SMPD3: variants seen among roughly 807,000 people sequenced by gnomAD.
SMPD3 encodes nSMase-2.
In SMPD3, 21 loss-of-function variants were observed where a neutral mutation model predicts 55.7. The ratio of observed to expected loss-of-function variants is 0.38; its 90% CI spans 0.27 to 0.54. The LOEUF is 0.54. SMPD3 is among the 20% of genes least tolerant of loss of function. The pLI, the probability that SMPD3 is intolerant of heterozygous loss-of-function variation, is 0.80. For missense variants in SMPD3, 842 were observed against 899.6 expected, an observed-to-expected ratio of 0.94 and a Z score of 0.82; for synonymous variants, 457 against 404.3, an observed-to-expected ratio of 1.13 and a Z score of -1.56.
chr16:68,428,497 C>T (rs889422513), intron 1 of SMPD3, among the ~76,000 whole-genome samples: 4 of 152,184 alleles, frequency 2.6e-5, no homozygotes, highest in African/African-American at 9.7e-5. Context: ...GAAGGGACTT[C>T]TCATCCTGGA....
At chr16:68,401,436 T>G (rs2090204503) in intron 1 of SMPD3, among the ~76,000 whole-genome samples, 1 of 150,276 alleles carries the variant, frequency 6.7e-6, no homozygotes, top group African/African-American at 2.5e-5. Context: ...GGGTTGGAAG[T>G]GGAATTGGGG....
chr16:68,402,895 C>T (rs1018632595), intron 1 of SMPD3, among the ~76,000 whole-genome samples: 6 of 152,238 alleles, frequency 3.9e-5, no homozygotes, highest in South Asian at 2.1e-4. Flanking sequence ...TCCAGGAAGA[C>T]GCTGAGAAGG....
intron 1 of SMPD3, among the ~76,000 whole-genome samples, chr16:68,410,744 T>C (rs925557187): frequency 3.3e-5 from 5 of 152,212 alleles, no homozygotes; most frequent in Non-Finnish European, 5.9e-5. Context: ...ATTCAAAAGT[T>C]TCCCAGACAC....
chr16:68,366,264 C>A (rs1308105068), intron 3 of SMPD3, among the ~76,000 whole-genome samples: 1 of 152,222 alleles, frequency 6.6e-6, no homozygotes, highest in East Asian at 1.9e-4. Context: ...TCCGTCCTTC[C>A]TTCACTGCTG....
chr16:68,432,526 A>C (rs2090488621), intron 1 of SMPD3, among the ~76,000 whole-genome samples: 2 of 152,262 alleles, frequency 1.3e-5, no homozygotes, highest in Non-Finnish European at 2.9e-5. Context: ...AAAAGCCTTT[A>C]AATTAACATA....
chr16:68,422,440 C>T (rs1396592784), intron 1 of SMPD3, among the ~76,000 whole-genome samples: 1 of 152,124 alleles, frequency 6.6e-6, no homozygotes, highest in African/African-American at 2.4e-5. Flanking sequence ...TATAAGGCCC[C>T]TGAGCAAGAA....
At chr16:68,386,137 A>C (rs1402388111) in intron 2 of SMPD3, among the ~76,000 whole-genome samples, 3 of 151,860 alleles carry the variant, frequency 2.0e-5, no homozygotes, top group African/African-American at 7.3e-5. Flanking sequence ...TGAGAGGAAC[A>C]CTTGAGCCCG....
chr16:68,415,976 G>T (rs993938750), intron 1 of SMPD3, among the ~76,000 whole-genome samples: 2 of 152,252 alleles, frequency 1.3e-5, no homozygotes, highest in Admixed American at 6.5e-5. Flanking sequence ...GCTCTGAAAT[G>T]ATTGATTATC....
At chr16:68,422,011 T>G (rs2090399081) in intron 1 of SMPD3, among the ~76,000 whole-genome samples, 1 of 152,122 alleles carries the variant, frequency 6.6e-6, no homozygotes, top group African/African-American at 2.4e-5. Context: ...GCAAGACCGC[T>G]GAAGGTGGAA....
chr16:68,365,297 A>G (rs1365840976), intron 3 of SMPD3, among the ~76,000 whole-genome samples: 2 of 152,124 alleles, frequency 1.3e-5, no homozygotes, highest in African/African-American at 2.4e-5. Flanking sequence ...GAAAGAAACT[A>G]TTGGCCTGTG....
chr16:68,437,122 G>A (rs1184880401), intron 1 of SMPD3, among the ~76,000 whole-genome samples: 3 of 152,226 alleles, frequency 2.0e-5, no homozygotes, highest in African/African-American at 4.8e-5. Flanking sequence ...CTACCTCCCT[G>A]AGGACAGGGA....
chr16:68,423,156 C>G (rs1462394042), intron 1 of SMPD3, among the ~76,000 whole-genome samples: 1 of 152,224 alleles, frequency 6.6e-6, no homozygotes, highest in East Asian at 1.9e-4. Flanking sequence ...GGATTTTGAC[C>G]AAGGTTTTCT....
rs1037644254 is a variant in SMPD3 at position 68,371,113 on chromosome 16, G to A, written c.1069C>T (p.Leu357=). 5 of 1,614,102 alleles carry A rather than the reference G, an allele frequency of 3.1e-6. No homozygotes were observed. The highest frequency in any genetic ancestry group is 4.2e-6 in the Non-Finnish European group (5 of 1,180,042). ...HEVSAFFPAN[L]DFLCLQEVFD... is the part of the protein sequence containing the mutation. ...ACCTCCTGCAGGCACAGGAAGTCCA[G>A]GTTGGCGGGGAAGAAGGCGGAGACC... Residue 357 remains leucine, a synonymous_variant, in exon 3 of 9, where the codon CTG becomes TTG. Coordinates refer to ENST00000219334, the MANE Select transcript of SMPD3 (RefSeq NM_018667.4).
At chr16:68,377,203 A>C (rs1275720016) in intron 2 of SMPD3, among the ~76,000 whole-genome samples, 1 of 152,208 alleles carries the variant, frequency 6.6e-6, no homozygotes. Flanking sequence ...TGTTCCCTGC[A>C]GTGGGGACTG....
At chr16:68,361,869 G>GGGGGGGGGGC in intron 7 of SMPD3, 110 bp from the exon 8 acceptor site, 2 of 769,506 alleles carry the variant, frequency 2.6e-6, no homozygotes, top group Non-Finnish European at 3.9e-6. Flanking sequence ...GGGTGGGTGG[G>GGGGGGGGGGC]ACCAAAGCGC....
chr16:68,374,258 G>C (rs867141327), intron 2 of SMPD3, among the ~76,000 whole-genome samples: 2 of 152,240 alleles, frequency 1.3e-5, no homozygotes, highest in African/African-American at 2.4e-5. Flanking sequence ...GTTTCTGTGG[G>C]GCATGTCAGA....
At chr16:68,423,589 T>C (rs559107171) in intron 1 of SMPD3, among the ~76,000 whole-genome samples, 1 of 152,312 alleles carries the variant, frequency 6.6e-6, no homozygotes, top group Admixed American at 6.5e-5. Flanking sequence ...ACATTTCTTG[T>C]CTTTCTAAAT....
chr16:68,407,437 G>A (rs1279928703), intron 1 of SMPD3, among the ~76,000 whole-genome samples: 1 of 152,122 alleles, frequency 6.6e-6, no homozygotes, highest in Non-Finnish European at 1.5e-5. Context: ...TTCCTGATTG[G>A]TAGGTATTCA....
chr16:68,447,302 G>A lies in SMPD3; in HGVS notation c.-269+1051C>T, dbSNP rs977271477. Among the ~76,000 whole-genome samples, 1 of 152,304 alleles carries A rather than the reference G, an allele frequency of 6.6e-6. No individual in the cohort carries two copies. Among genetic ancestry groups the A allele is most frequent in the African/African-American group, 2.4e-5 (1 of 41,564 alleles). On this transcript the variant is annotated intron_variant, in intron 1 of 8. Transcript: ENST00000219334. This position sits in a 1 kb window ranked among gnomAD's most constrained non-coding sequence, Gnocchi z 5.1. Reference sequence around the variant, plus strand: ...CAAAGATTCGCGGGCACGAGGTTGGGGGTAGCGTCTACCTGGAGCTCTTGA... The same window carrying A: ...CAAAGATTCGCGGGCACGAGGTTGGAGGTAGCGTCTACCTGGAGCTCTTGA...
Sources: allele counts gnomAD v4.1 joint callset (sites outside exome capture counted in the v4.1 genomes callset), GRCh38; gene constraint gnomAD v4.1.1; non-coding constraint Gnocchi (gnomAD v3.1); transcripts MANE v1.5; gene names NCBI Gene and HGNC (gene_info 2026-07-23, HGNC 2026-07-21).